The following RALGPS1 variants were observed in gnomAD, a reference collection of about 807,000 sequenced individuals.
RALGPS1 encodes the protein ras-specific guanine nucleotide-releasing factor RalGPS1.
A neutral mutation model predicts 78.8 loss-of-function variants in RALGPS1; 19 were observed. The ratio of observed to expected loss-of-function variants is 0.24; its 90% CI spans 0.17 to 0.35. RALGPS1 has a LOEUF of 0.35. Ranked by LOEUF, RALGPS1 falls within the 10% of genes least tolerant of loss-of-function variation. RALGPS1 has a pLI of 1.00. For synonymous variants in RALGPS1, 228 were observed against 256.3 expected, an observed-to-expected ratio of 0.89 and a Z score of 1.06; for missense variants, 454 against 688.3, an observed-to-expected ratio of 0.66 and a Z score of 3.81.
rs539217186 is a variant in RALGPS1 at position 127,021,839 on chromosome 9, C to T, written c.217-12592C>T. Among the ~76,000 whole-genome samples, 9 of 152,204 alleles carry T rather than the reference C, an allele frequency of 5.9e-5. No individual in the cohort carries two copies. In the East Asian group the frequency reaches 1.2e-3, roughly 20 times the overall value. On this transcript the variant is annotated intron_variant, in intron 4 of 18. Coordinates refer to ENST00000259351, the MANE Select transcript of RALGPS1 (RefSeq NM_014636.3). ...CGCTAATCGGGCTCTTTCTCTGTCA[C>T]GTGGACAGGAGACTGCTCACAGGGT... is the stretch of plus-strand genomic sequence containing the variant.
intron 8 of RALGPS1, among the ~76,000 whole-genome samples, chr9:127,084,309 G>A (rs760538878): frequency 5.3e-5 from 8 of 152,122 alleles, no homozygotes; most frequent in Non-Finnish European, 1.0e-4. Flanking sequence ...GTGGCAACAG[G>A]GGAGGAAGAA....
intron 8 of RALGPS1, among the ~76,000 whole-genome samples, chr9:127,155,670 G>A (rs1467354968): frequency 6.6e-6 from 1 of 152,198 alleles, no homozygotes; most frequent in Non-Finnish European, 1.5e-5. Context: ...AAAGATCACA[G>A]GGTATAGACT....
intron 8 of RALGPS1, among the ~76,000 whole-genome samples, chr9:127,116,989 G>A (rs1427285002): frequency 6.6e-6 from 1 of 152,148 alleles, no homozygotes; most frequent in Non-Finnish European, 1.5e-5. Context: ...TCTCTCCCCT[G>A]CAGTCTACAC....
chr9:127,192,064 TG>T (rs2061093517), intron 11 of RALGPS1, among the ~76,000 whole-genome samples: 1 of 152,212 alleles, frequency 6.6e-6, no homozygotes, highest in Non-Finnish European at 1.5e-5. Flanking sequence ...ATGTCATGGA[TG>T]ATTTCAAGCA....
chr9:127,092,054 G>A, intron 8 of RALGPS1: 1 of 1,323,882 alleles, frequency 7.6e-7, no homozygotes. Context: ...AGCAGAGCAT[G>A]AAGCAGACCT....
chr9:127,112,266 C>G (rs1439076496), intron 8 of RALGPS1, among the ~76,000 whole-genome samples: 2 of 152,200 alleles, frequency 1.3e-5, no homozygotes, highest in Non-Finnish European at 2.9e-5. Flanking sequence ...AAGTGTTTGC[C>G]TCGTTTCCAA....
At chr9:127,042,281 T>TAATA (rs1272332985) in intron 5 of RALGPS1, among the ~76,000 whole-genome samples, 1 of 152,200 alleles carries the variant, frequency 6.6e-6, no homozygotes, top group Non-Finnish European at 1.5e-5. Flanking sequence ...ATAGTGTTAA[T>TAATA]AATAGGTTAT....
At chr9:126,933,262 G>A (rs2131205429) in intron 1 of RALGPS1, among the ~76,000 whole-genome samples, 1 of 152,274 alleles carries the variant, frequency 6.6e-6, no homozygotes, top group South Asian at 2.1e-4. Context: ...AGGGGCTGGT[G>A]AGCAGGTTAA....
intron 3 of RALGPS1, 46 bp downstream of exon 3, chr9:126,965,997 G>A: frequency 7.1e-7 from 1 of 1,409,302 alleles, no homozygotes. Flanking sequence ...CCACAGCAGG[G>A]CACTAGAGGG....
At chr9:127,137,206 C>A (rs1269076278) in intron 8 of RALGPS1, among the ~76,000 whole-genome samples, 1 of 152,220 alleles carries the variant, frequency 6.6e-6, no homozygotes, top group African/African-American at 2.4e-5. Flanking sequence ...AACCCAGCTA[C>A]CCCAGCCACG....
chr9:127,156,803 C>T lies in RALGPS1; in HGVS notation c.611-9266C>T, dbSNP rs188616125. ...GTCTTATGTCACACTTAAGCCTTTG[C>T]GTACCTCAGCATTATAAAATTATTC... On this transcript the variant is annotated intron_variant, in intron 8 of 18. Transcript: ENST00000259351. 5.3e-5 allele frequency among the ~76,000 whole-genome samples: 8 copies of T among 152,060 alleles called. No individual in the cohort carries two copies. The East Asian group carries it at 9.6e-4, about 18-fold the overall frequency.
At chr9:126,982,836 T>TCTC (rs1340917541) in intron 4 of RALGPS1, among the ~76,000 whole-genome samples, 1 of 136,980 alleles carries the variant, frequency 7.3e-6, no homozygotes, top group Non-Finnish European at 1.6e-5. Flanking sequence ...TTCCTCTTCT[T>TCTC]CTTCCTTCTT....
chr9:126,994,756 A>G (rs2042584928), intron 4 of RALGPS1, among the ~76,000 whole-genome samples: 1 of 144,858 alleles, frequency 6.9e-6, no homozygotes, highest in African/African-American at 2.5e-5. Context: ...AAATGAAGGA[A>G]AAAATGTTAA....
At chr9:127,129,052 G>A (rs909493639) in intron 8 of RALGPS1, among the ~76,000 whole-genome samples, 19 of 152,136 alleles carry the variant, frequency 1.2e-4, no homozygotes, top group African/African-American at 4.3e-4. Context: ...ACAAATATTC[G>A]TTTTAAGCTC....
chr9:126,922,149 G>T (rs918241598), intron 1 of RALGPS1, among the ~76,000 whole-genome samples: 1 of 152,190 alleles, frequency 6.6e-6, no homozygotes, highest in Non-Finnish European at 1.5e-5. Context: ...ACTGGGGGCT[G>T]CTTCTCAAGT....
At chr9:127,164,889 T>G (rs189692267) in intron 8 of RALGPS1, among the ~76,000 whole-genome samples, 2 of 152,330 alleles carry the variant, frequency 1.3e-5, no homozygotes, top group Admixed American at 1.3e-4. Context: ...TGCATTAATA[T>G]ATATATGTGT....
intron 8 of RALGPS1, among the ~76,000 whole-genome samples, chr9:127,117,121 G>A (rs1174713271): frequency 6.6e-6 from 1 of 152,162 alleles, no homozygotes; most frequent in Non-Finnish European, 1.5e-5. Flanking sequence ...TTCCTGCCTC[G>A]AGTACCTTCC....
rs2039443666 is a variant in RALGPS1, at chr9:126,965,919, G to A, written c.133G>A (p.Asp45Asn). The stretch of plus-strand genomic sequence containing the variant: ...CAAGAGCTATGATGCCGTTGTCTTC[G>A]ATGTCTTGAAAGTGACCCCAGAGGA... Reference protein sequence around the residue: ...ASKSYDAVVFDVLKVTPEEFA... With the variant: ...ASKSYDAVVFNVLKVTPEEFA... The change falls in exon 3 of 19, where the codon GAT becomes AAT. Residue 45 changes from aspartate (D) to asparagine (N), a missense_variant. Coordinates refer to ENST00000259351, the MANE Select transcript of RALGPS1 (RefSeq NM_014636.3). 2 of 1,614,120 alleles carry A rather than the reference G, an allele frequency of 1.2e-6. No homozygotes were observed. The highest frequency in any genetic ancestry group is 1.7e-6 in the Non-Finnish European group (2 of 1,179,976).
intron 1 of RALGPS1, among the ~76,000 whole-genome samples, chr9:126,952,656 A>AGT (rs1281535322): frequency 0.024 from 3,369 of 138,868 alleles, 127 homozygotes; most frequent in African/African-American, 0.081. Context: ...AGAGAGAGAG[A>AGT]GTGTGTGTGT....
Sources: gnomAD v4.1 joint callset for allele counts (sites outside exome capture counted in the v4.1 genomes callset) on GRCh38, gnomAD v4.1.1 for gene constraint, MANE v1.5 for transcripts, NCBI Gene and HGNC (gene_info 2026-07-23, HGNC 2026-07-21) for gene names.